The following ZFAT variants were observed in gnomAD, a reference collection of about 807,000 sequenced individuals.
ZFAT encodes zinc finger protein ZFAT.
ZFAT carries 64 observed loss-of-function variants against 117.7 expected under a neutral mutation model. That is an observed-to-expected ratio of 0.54 (90% CI 0.44 to 0.67). The LOEUF (loss-of-function observed/expected upper bound fraction) is 0.67, where lower values mean the gene tolerates loss of function less well. Among genes scored for constraint, ZFAT ranks in the 30% least tolerant of loss-of-function variants. The probability of loss-of-function intolerance (pLI) is 0.00; values close to 1 mark genes in which losing one functional copy is unlikely to be tolerated. For missense variants in ZFAT, 1,433 were observed against 1,584.5 expected, an observed-to-expected ratio of 0.90 and a Z score of 1.62; for synonymous variants, 679 against 615.0, an observed-to-expected ratio of 1.10 and a Z score of -1.54.
intron 13 of ZFAT, among the ~76,000 whole-genome samples, chr8:134,518,184 AT>A (rs1455492757): frequency 6.6e-6 from 1 of 152,030 alleles, no homozygotes; most frequent in Non-Finnish European, 1.5e-5. Flanking sequence ...ATTAATCATT[AT>A]TTTTTGGAGG....
intron 1 of ZFAT, among the ~76,000 whole-genome samples, chr8:134,672,936 A>T (rs1280515188): frequency 6.6e-6 from 1 of 152,260 alleles, no homozygotes; most frequent in Non-Finnish European, 1.5e-5. Context: ...AACATCAAAA[A>T]GAAAGAAGAA....
intron 15 of ZFAT, among the ~76,000 whole-genome samples, chr8:134,485,183 G>A (rs894885542): frequency 3.9e-5 from 6 of 152,272 alleles, no homozygotes; most frequent in Admixed American, 2.6e-4. Flanking sequence ...GCCCTGGGGG[G>A]CTCTGCCCAC....
Position 134,582,814 on chromosome 8 carries a change from G to A in ZFAT, c.2887+1018C>T, listed in dbSNP as rs117673300. Among the ~76,000 whole-genome samples the A allele has an allele frequency of 1.5e-4, 23 of 152,192 alleles. 1 individual carries two copies. In the East Asian group the frequency reaches 4.2e-3, roughly 28 times the overall value. ...TCAGAACAATCTTAAAATAAAGATAGAACTTAAGAGCTATATCATCCACTA... is the reference window on the plus strand; with the variant it reads ...TCAGAACAATCTTAAAATAAAGATAAAACTTAAGAGCTATATCATCCACTA... On this transcript the variant is annotated intron_variant, in intron 10 of 15. Coordinates refer to ENST00000377838, the MANE Select transcript of ZFAT (RefSeq NM_020863.4).
At chr8:134,633,403 AAAT>A (rs1011253990) in intron 3 of ZFAT, among the ~76,000 whole-genome samples, 176 of 152,372 alleles carry the variant, frequency 1.2e-3, no homozygotes, top group Middle Eastern at 6.8e-3. Context: ...TAAGTGCAAA[AAAT>A]AATAATAATA....
chr8:134,803,654 C>T, the ZFAT span, among the ~76,000 whole-genome samples: 3 of 152,164 alleles, frequency 2.0e-5, no homozygotes, highest in Admixed American at 1.3e-4. Context: ...GGGGTAACTA[C>T]ATTATGACCA....
At chr8:134,486,378 C>T (rs1246528283) in intron 15 of ZFAT, among the ~76,000 whole-genome samples, 1 of 152,182 alleles carries the variant, frequency 6.6e-6, no homozygotes, top group Non-Finnish European at 1.5e-5. Context: ...ACTCCACCGA[C>T]ACCTCTGTCA....
At chr8:134,629,484 T>G (rs866280798) in intron 3 of ZFAT, among the ~76,000 whole-genome samples, 82 of 151,882 alleles carry the variant, frequency 5.4e-4, no homozygotes, top group African/African-American at 1.9e-3. Flanking sequence ...CTGGCTGATA[T>G]AGTTTGGATT....
At chr8:134,542,383 G>A (rs565136448) in intron 11 of ZFAT, among the ~76,000 whole-genome samples, 2 of 152,300 alleles carry the variant, frequency 1.3e-5, no homozygotes, top group East Asian at 3.9e-4. Flanking sequence ...GAGGTTTGGT[G>A]TACAGATAAT....
chr8:134,818,506 C>A, the ZFAT span, among the ~76,000 whole-genome samples: 1 of 152,158 alleles, frequency 6.6e-6, no homozygotes, highest in Non-Finnish European at 1.5e-5. Flanking sequence ...ATGGTACTGC[C>A]ACTTTGGAAA....
At chr8:134,714,216 C>T (rs890512738), upstream of ZFAT, among the ~76,000 whole-genome samples, 2 of 145,620 alleles carry the variant, frequency 1.4e-5, no homozygotes, top group Non-Finnish European at 3.0e-5. Context: ...TTTGCCTGTT[C>T]TTCTTTTCCT....
At chr8:134,592,527 T>C (rs1382724338) in intron 7 of ZFAT, among the ~76,000 whole-genome samples, 1 of 152,120 alleles carries the variant, frequency 6.6e-6, no homozygotes, top group Admixed American at 6.5e-5. Flanking sequence ...CTCCGTTTCA[T>C]CATCTGTAAA....
chr8:134,493,128 A>C (rs529004924), intron 15 of ZFAT, among the ~76,000 whole-genome samples: 1 of 152,340 alleles, frequency 6.6e-6, no homozygotes, highest in East Asian at 1.9e-4. Context: ...CACAGTGCAA[A>C]GCCTAAGCTG....
upstream of ZFAT, chr8:134,713,166 T>A: frequency 3.4e-6 from 1 of 295,450 alleles, no homozygotes; most frequent in Non-Finnish European, 6.2e-6. Context: ...GAGGCCGTGC[T>A]TTTTATCCCA....
chr8:134,483,970 T>C (rs1054837853), intron 15 of ZFAT, among the ~76,000 whole-genome samples: 4 of 152,174 alleles, frequency 2.6e-5, no homozygotes, highest in African/African-American at 9.7e-5. Context: ...TTCTTCCTAC[T>C]CCCCTGCCTG....
chr8:134,771,318 G>A, the ZFAT span, among the ~76,000 whole-genome samples: 1 of 152,224 alleles, frequency 6.6e-6, no homozygotes, highest in Admixed American at 6.5e-5. Context: ...TGAATATCAG[G>A]GCAGATTCCC....
intron 7 of ZFAT, chr8:134,599,399 A>G (rs1435302127): frequency 4.4e-6 from 1 of 225,062 alleles, no homozygotes; most frequent in Non-Finnish European, 8.9e-6. Flanking sequence ...ATGTGTGTAT[A>G]TGCATATGTG....
intron 2 of ZFAT, among the ~76,000 whole-genome samples, chr8:134,647,593 T>C (rs1198482999): frequency 6.6e-6 from 1 of 152,192 alleles, no homozygotes. Context: ...CTGTCTCTGT[T>C]TGTAGATGAC....
chr8:134,575,357 C>T (rs913930459), intron 10 of ZFAT, among the ~76,000 whole-genome samples: 3 of 152,120 alleles, frequency 2.0e-5, no homozygotes, highest in Non-Finnish European at 4.4e-5. Flanking sequence ...GGCTTAAAGT[C>T]AGAGAAGGAG....
chr8:134,711,475 G>T (rs187481692), intron 1 of ZFAT, among the ~76,000 whole-genome samples: 2 of 152,254 alleles, frequency 1.3e-5, no homozygotes, highest in East Asian at 3.9e-4. Flanking sequence ...AATCAGCTGG[G>T]CACCACAGCT....
Sources: allele counts gnomAD v4.1 joint callset (sites outside exome capture counted in the v4.1 genomes callset), GRCh38; gene constraint gnomAD v4.1.1; transcripts MANE v1.5; gene names NCBI Gene and HGNC (gene_info 2026-07-23, HGNC 2026-07-21).